Variants in FAM53C observed in about 807,000 individuals in gnomAD.
FAM53C encodes protein FAM53C.
A neutral mutation model predicts 34.7 loss-of-function variants in FAM53C; 10 were observed. The ratio of observed to expected loss-of-function variants is 0.29; its 90% CI spans 0.18 to 0.49. FAM53C has a LOEUF of 0.49. Among genes scored for constraint, FAM53C ranks in the 20% least tolerant of loss-of-function variants. The pLI is 0.99. For synonymous variants in FAM53C, 203 were observed against 203.6 expected (o/e 1.00, Z 0.03); for missense variants, 442 against 515.3 (o/e 0.86, Z 1.38).
At chr5:138,339,338 C>G (rs1261062887) in intron 1 of FAM53C, among the ~76,000 whole-genome samples, 1 of 152,174 alleles carries the variant, frequency 6.6e-6, no homozygotes, top group African/African-American at 2.4e-5. Context: ...TTCTGTTCCC[C>G]CTCGCAGCCT....
chr5:138,342,727 CAA>C (rs760315221), intron 3 of FAM53C: 14 of 120,656 alleles, frequency 1.2e-4, no homozygotes, highest in African/African-American at 1.2e-4. Context: ...AACTCTGTCT[CAA>C]AAAAAAAAAA....
chr5:138,341,040 AG>A (rs1761018980), intron 1 of FAM53C, 143 bp from the exon 2 acceptor site: 1 of 458,208 alleles, frequency 2.2e-6, no homozygotes, highest in African/African-American at 2.0e-5. Flanking sequence ...AGCTGTGTTT[AG>A]GCTTAGCTGG....
rs773476981 is a variant in FAM53C, at chr5:138,348,884, G to C, written c.*1925G>C. On this transcript the variant is annotated 3_prime_UTR_variant, in exon 5 of 5. Transcript: ENST00000239906. ...GGTGCCAATTTCTTTTCCTCCTGGG[G>C]CATCCTCATCCCAGGGCTCTCTGCT... 3.9e-5 allele frequency: 6 copies of C among 152,294 alleles called. No homozygotes were observed. The highest frequency in any genetic ancestry group is 7.3e-5 in the Non-Finnish European group (5 of 68,158). The allele number at this position is 152,294 out of a possible 1,614,324, so 9.4% of individuals were successfully genotyped here. A position where few individuals can be genotyped will look rare whatever the true frequency, so the allele number is the denominator to read the frequency against.
At chr5:138,344,443 A>T (rs949244015) in intron 3 of FAM53C, among the ~76,000 whole-genome samples, 1 of 152,258 alleles carries the variant, frequency 6.6e-6, no homozygotes, top group Non-Finnish European at 1.5e-5. Flanking sequence ...GGGAGAGATG[A>T]GCAGGACACT....
intron 2 of FAM53C, 23 bp downstream of exon 2, chr5:138,341,436 T>A (rs963918787): frequency 6.3e-7 from 1 of 1,598,062 alleles, no homozygotes; most frequent in Non-Finnish European, 8.6e-7. Context: ...TCTTCCTGCT[T>A]CTCCACGACC....
chr5:138,341,454 C>T (rs770750406), intron 2 of FAM53C, 41 bp downstream of exon 2: 1 of 1,528,906 alleles, frequency 6.5e-7, no homozygotes, highest in Admixed American at 1.7e-5. Context: ...ACCCCCTCCC[C>T]CTTTTTTCTG....
chr5:138,337,835 G>T (rs1176845025), upstream of FAM53C: 5 of 556,754 alleles, frequency 9.0e-6, no homozygotes, highest in South Asian at 5.0e-5. Flanking sequence ...GGTCGTGGAG[G>T]GCGGGGCAGC....
Position 138,347,032 on chromosome 5 carries a change from G to A in FAM53C, c.*73G>A. The A allele has an allele frequency of 6.3e-7, 1 of 1,591,562 alleles. No individual in the cohort carries two copies. The highest frequency in any genetic ancestry group is 8.5e-7 in the Non-Finnish European group (1 of 1,170,472). ...CTACTAACAAGTGTCGAGTCCCCAA[G>A]GCTGGGGGCCGAGCCTGGGAATGGG... On this transcript the variant is annotated 3_prime_UTR_variant, in exon 5 of 5. Coordinates refer to ENST00000239906, the MANE Select transcript of FAM53C (RefSeq NM_016605.3).
chr5:138,338,024 G>T, upstream of FAM53C: 5 of 1,289,720 alleles, frequency 3.9e-6, no homozygotes, highest in Non-Finnish European at 5.1e-6. Flanking sequence ...CACTTTCTGC[G>T]ATATTTTGGA....
At chr5:138,341,648 A>G (rs1761036566) in intron 2 of FAM53C, 161 bp from the exon 3 acceptor site, 1 of 749,420 alleles carries the variant, frequency 1.3e-6, no homozygotes, top group African/African-American at 1.7e-5. Context: ...GAAGATGTGG[A>G]TTGTTTGACT....
chr5:138,346,848 C>T lies in FAM53C; in HGVS notation c.1068C>T (p.Ser356=), dbSNP rs781194240. 17 of 1,613,944 alleles carry T rather than the reference C, an allele frequency of 1.1e-5. No homozygotes were observed. Among genetic ancestry groups the T allele is most frequent in the Admixed American group, 1.7e-5 (1 of 59,994 alleles). Residue 356 remains serine (S), a synonymous_variant, in exon 5 of 5, where the codon AGC becomes AGT. Transcript: ENST00000239906. ...GTTCCTCCCAGGTGCTGAGTGAAAG[C>T]GAAGAGGAGGAGGAGGGGGCTGTGC... ...TGGSSQVLSE[S]EEEEEGAVRW...
Position 138,346,760 on chromosome 5 carries a change from C to A in FAM53C, c.980C>A (p.Ser327Tyr), listed in dbSNP as rs1159253639. ...QETAREGSSI[S>Y]PPWFMACSPP... The stretch of plus-strand genomic sequence containing the variant: ...ACAGCCCGGGAAGGCAGCAGCATCT[C>A]TCCACCATGGTTCATGGCCTGTAGC... The change falls in exon 5 of 5, where the codon TCT becomes TAT. Residue 327 changes from serine to tyrosine, a missense_variant. Transcript: ENST00000239906. 1 of 1,614,088 alleles carries A rather than the reference C, an allele frequency of 6.2e-7. No homozygotes were observed.
chr5:138,341,118 G>C (rs1761020914), intron 1 of FAM53C, 66 bp from the exon 2 acceptor site: 2 of 655,960 alleles, frequency 3.0e-6, no homozygotes, highest in African/African-American at 3.6e-5. Flanking sequence ...TGTGTGCCAT[G>C]CATTTTCCAT....
intron 1 of FAM53C, 171 bp downstream of exon 1, chr5:138,338,478 T>C (rs575243582): frequency 9.1e-6 from 3 of 329,116 alleles, no homozygotes; most frequent in East Asian, 1.0e-4. Flanking sequence ...GGCGGAGTGC[T>C]AAGTCCCAGA....
chr5:138,346,500 T>G (rs915382849), intron 4 of FAM53C, among the ~76,000 whole-genome samples: 2 of 152,180 alleles, frequency 1.3e-5, no homozygotes, highest in South Asian at 2.1e-4. Flanking sequence ...GCCGGGCACC[T>G]GTAGTCCCAG....
Position 138,347,576 on chromosome 5 carries a change from CCA to C in FAM53C, c.*618_*619del. ...ATAGCTCTGGAACCAGGCTTGTAAT[CCA>C]TAGCATCACCGACTCTGCAAAGGAT... is the stretch of plus-strand genomic sequence containing the variant. On this transcript the variant is annotated 3_prime_UTR_variant, in exon 5 of 5. Transcript: ENST00000239906. 1 of 155,140 alleles carries C rather than the reference CCA, an allele frequency of 6.4e-6. No individual in the cohort carries two copies. The highest frequency in any genetic ancestry group is 6.3e-5 in the Admixed American group (1 of 15,922). The allele number at this position is 155,140 out of a possible 1,614,324, so 9.6% of individuals were successfully genotyped here.
rs1336025139 is a variant in FAM53C at position 138,341,424 on chromosome 5, A to T, written c.78+11A>T. On this transcript the variant is annotated intron_variant, in intron 2 of 4. Coordinates refer to ENST00000239906, the MANE Select transcript of FAM53C (RefSeq NM_016605.3). ...TTCAGCATCAGTCTGGTAAAAGACC[A>T]GTCTTCCTGCTTCTCCACGACCCCC... 1.9e-6 allele frequency: 3 copies of T among 1,611,892 alleles called. No individual in the cohort carries two copies. The African/African-American group carries it at 4.0e-5, about 22-fold the overall frequency.
intron 1 of FAM53C, among the ~76,000 whole-genome samples, chr5:138,339,987 G>T (rs1340530361): frequency 6.6e-6 from 1 of 152,124 alleles, no homozygotes; most frequent in Non-Finnish European, 1.5e-5. Context: ...AGGTGAGGGA[G>T]GATGGTATTC....
chr5:138,337,981 G>A (rs896455170), upstream of FAM53C: 4 of 1,289,602 alleles, frequency 3.1e-6, no homozygotes, highest in African/African-American at 4.6e-5. Context: ...CCTCCCCCGC[G>A]GGTTTCAAGA....
Sources: allele counts gnomAD v4.1 joint callset (sites outside exome capture counted in the v4.1 genomes callset), GRCh38; gene constraint gnomAD v4.1.1; transcripts MANE v1.5; gene names NCBI Gene and HGNC (gene_info 2026-07-23, HGNC 2026-07-21).